EXT1: variants seen among roughly 807,000 people sequenced by gnomAD.
The protein encoded by EXT1 is exostosin glycosyltransferase 1.
A neutral mutation model predicts 82.5 loss-of-function variants in EXT1; 20 were observed. The observed-to-expected ratio is 0.24, with a 90% CI of 0.17 to 0.35. The LOEUF is 0.35. Ranked by LOEUF, EXT1 falls within the 10% of genes least tolerant of loss-of-function variation. The pLI is 1.00. For missense variants in EXT1, 757 were observed against 936.5 expected (o/e 0.81, Z 2.50); for synonymous variants, 348 against 350.8 (o/e 0.99, Z 0.09).
intron 5 of EXT1, among the ~76,000 whole-genome samples, chr8:117,821,756 A>C (rs1811927833): frequency 6.6e-6 from 1 of 152,188 alleles, no homozygotes; most frequent in African/African-American, 2.4e-5. Context: ...GGCTTTCTCA[A>C]GTTTAGAACT....
Position 117,797,662 on chromosome 8 carries a change from TTTAAC to T in EXT1, c.*2045_*2049del, listed in dbSNP as rs1823105235. The stretch of plus-strand genomic sequence containing the variant: ...ATGAATAAAGATTAACTGCTAATCT[TTTAAC>T]TTGCTGAGAAGTGCAGCTTAAATGA... On this transcript the variant is annotated 3_prime_UTR_variant, in exon 11 of 11. Transcript: ENST00000378204. 6.6e-6 allele frequency: 1 copy of T among 152,234 alleles called. No individual in the cohort carries two copies. The highest frequency in any genetic ancestry group is 2.1e-4 in the South Asian group (1 of 4,832). The allele number at this position is 152,234 out of a possible 1,614,324, so 9.4% of individuals were successfully genotyped here.
At chr8:117,861,509 T>C (rs1368668798) in intron 1 of EXT1, among the ~76,000 whole-genome samples, 1,464 of 133,228 alleles carry the variant, frequency 0.011, 57 homozygotes, top group Non-Finnish European at 0.016. Context: ...TTTTTTTTTT[T>C]TTTGAGATAG....
At chr8:117,917,005 T>C (rs1586283363) in intron 1 of EXT1, among the ~76,000 whole-genome samples, 5 of 152,282 alleles carry the variant, frequency 3.3e-5, no homozygotes. Flanking sequence ...ATATAGGTAA[T>C]TGAAGACAGC....
At chr8:117,867,687 T>C (rs1812798463) in intron 1 of EXT1, among the ~76,000 whole-genome samples, 1 of 152,192 alleles carries the variant, frequency 6.6e-6, no homozygotes, top group Non-Finnish European at 1.5e-5. Flanking sequence ...TCTAAATACC[T>C]TTTTCTCCCT....
intron 1 of EXT1, among the ~76,000 whole-genome samples, chr8:118,003,237 T>C (rs1815708855): frequency 6.6e-6 from 1 of 151,976 alleles, no homozygotes. Flanking sequence ...AAAATGGACT[T>C]TGGGGACTCA....
intron 1 of EXT1, among the ~76,000 whole-genome samples, chr8:117,845,938 AAGG>A (rs1371014534): frequency 2.0e-5 from 3 of 152,184 alleles, no homozygotes; most frequent in Non-Finnish European, 4.4e-5. Flanking sequence ...CGGTTTGTGC[AAGG>A]AGGATGGGAT....
At chr8:117,815,893 G>A (rs1811803427) in intron 7 of EXT1, among the ~76,000 whole-genome samples, 1 of 147,202 alleles carries the variant, frequency 6.8e-6, no homozygotes, top group Non-Finnish European at 1.5e-5. Context: ...TCATGCCATT[G>A]CACTCCAGCC....
rs1430056485 is a variant in EXT1 at position 117,873,451 on chromosome 8, T to G, written c.963-36250A>C. On this transcript the variant is annotated intron_variant, in intron 1 of 10. Transcript: ENST00000378204. ...AAGACCAATGTTGTCCTGTGACTTT[T>G]TTTTTTTTTTTTTTTTTTTTTTGAG... Among the ~76,000 whole-genome samples, 76 of 142,520 alleles carry G rather than the reference T, an allele frequency of 5.3e-4. 5 individuals are homozygous for G. The highest frequency in any genetic ancestry group is 3.6e-3 in the Middle Eastern group (1 of 280). The allele number at this position is 142,520 out of a possible 152,430, so 93.5% of individuals were successfully genotyped here.
chr8:117,947,266 C>T (rs974313715), intron 1 of EXT1, among the ~76,000 whole-genome samples: 5 of 152,206 alleles, frequency 3.3e-5, no homozygotes, highest in African/African-American at 1.2e-4. Flanking sequence ...TTGTTCAGAG[C>T]TCAAACACAT....
At chr8:117,857,969 G>T (rs1475937371) in intron 1 of EXT1, among the ~76,000 whole-genome samples, 1 of 152,190 alleles carries the variant, frequency 6.6e-6, no homozygotes, top group Admixed American at 6.5e-5. Flanking sequence ...GACTTCAGAA[G>T]AAGTCACTGC....
intron 1 of EXT1, among the ~76,000 whole-genome samples, chr8:118,106,203 C>A (rs1464227724): frequency 6.6e-6 from 1 of 152,126 alleles, no homozygotes; most frequent in Non-Finnish European, 1.5e-5. Context: ...GGTTGTCCTC[C>A]AAGTTTTCAT....
At chr8:117,871,217 T>C (rs533271119) in intron 1 of EXT1, among the ~76,000 whole-genome samples, 1 of 152,174 alleles carries the variant, frequency 6.6e-6, no homozygotes, top group Non-Finnish European at 1.5e-5. Flanking sequence ...CCTAATAGTG[T>C]TTTCATTATT....
intron 1 of EXT1, among the ~76,000 whole-genome samples, chr8:118,069,380 C>T (rs567596782): frequency 6.6e-6 from 1 of 152,300 alleles, no homozygotes; most frequent in African/African-American, 2.4e-5. Context: ...CCCAGTACCC[C>T]GTCTATTCCT....
At chr8:117,875,420 C>CTAAATAAA (rs67268592) in intron 1 of EXT1, among the ~76,000 whole-genome samples, 99 of 139,298 alleles carry the variant, frequency 7.1e-4, no homozygotes, top group Admixed American at 1.5e-3. Flanking sequence ...AACTACCTCT[C>CTAAATAAA]TAAATAAATA....
At chr8:117,904,907 T>C (rs966889495) in intron 1 of EXT1, among the ~76,000 whole-genome samples, 1 of 151,840 alleles carries the variant, frequency 6.6e-6, no homozygotes, top group African/African-American at 2.4e-5. Context: ...TTTAAGAAAG[T>C]GAAGGATTTA....
At chr8:117,834,194 T>G (rs1056463766) in intron 3 of EXT1, among the ~76,000 whole-genome samples, 3 of 152,222 alleles carry the variant, frequency 2.0e-5, no homozygotes, top group African/African-American at 7.2e-5. Flanking sequence ...CACTTTAGTT[T>G]GCTTAACCCA....
intron 1 of EXT1, among the ~76,000 whole-genome samples, chr8:117,851,642 C>T (rs1451609280): frequency 6.6e-6 from 1 of 151,850 alleles, no homozygotes; most frequent in East Asian, 1.9e-4. Context: ...CACACACACA[C>T]ACACACACCA....
intron 8 of EXT1, among the ~76,000 whole-genome samples, chr8:117,810,508 T>C (rs1164720041): frequency 6.6e-6 from 1 of 152,180 alleles, no homozygotes; most frequent in Non-Finnish European, 1.5e-5. Flanking sequence ...TGCTATTCTT[T>C]GAAAAGAAAT....
intron 1 of EXT1, among the ~76,000 whole-genome samples, chr8:117,859,061 T>C (rs1433617351): frequency 6.6e-6 from 1 of 152,230 alleles, no homozygotes; most frequent in East Asian, 1.9e-4. Flanking sequence ...TATTTTTAAA[T>C]TAAGGTATAT....
Sources: allele counts gnomAD v4.1 joint callset (sites outside exome capture counted in the v4.1 genomes callset), GRCh38; gene constraint gnomAD v4.1.1; transcripts MANE v1.5; gene names NCBI Gene and HGNC (gene_info 2026-07-23, HGNC 2026-07-21).